Variants in GOLGA4 observed in about 807,000 individuals in gnomAD.
GOLGA4 encodes golgin subfamily A member 4.
GOLGA4 carries 169 observed loss-of-function variants against 265.9 expected under a neutral mutation model. The observed-to-expected ratio is 0.64, with a 90% CI of 0.56 to 0.72. The LOEUF (loss-of-function observed/expected upper bound fraction) is 0.72. Ranked by LOEUF, GOLGA4 falls within the 30% of genes least tolerant of loss-of-function variation. The pLI is 0.00. For missense variants in GOLGA4, 2,482 were observed against 2,483.4 expected (o/e 1.00, Z 0.01); for synonymous variants, 923 against 855.8 (o/e 1.08, Z -1.37).
chr3:37,258,377 G>A (rs1331637078), intron 2 of GOLGA4, among the ~76,000 whole-genome samples: 1 of 151,548 alleles, frequency 6.6e-6, no homozygotes, highest in Non-Finnish European at 1.5e-5. Context: ...GCTCAGGCTG[G>A]AGTGCAGTGG....
At chr3:37,285,358 C>T (rs1443583632) in intron 3 of GOLGA4, among the ~76,000 whole-genome samples, 1 of 152,058 alleles carries the variant, frequency 6.6e-6, no homozygotes, top group Non-Finnish European at 1.5e-5. Flanking sequence ...TCCATAATTT[C>T]ATTAGGGTGT....
rs763360064 is a variant in GOLGA4, at chr3:37,286,037, T to C, written c.501T>C (p.Leu167=). The C allele has an allele frequency of 1.3e-6, 2 of 1,580,530 alleles. No individual in the cohort carries two copies. Among genetic ancestry groups the C allele is most frequent in the Non-Finnish European group, 1.7e-6 (2 of 1,153,608 alleles). The change falls in exon 4 of 24, where the codon CTT becomes CTC. Residue 167 remains leucine, a synonymous_variant. Coordinates refer to ENST00000361924, the MANE Select transcript of GOLGA4 (RefSeq NM_002078.5). ...YSELVTAYQM[L]QREKKKLQGI... is the part of the protein sequence containing the mutation. The stretch of plus-strand genomic sequence containing the variant: ...AGCTTGTTACAGCTTATCAGATGCT[T>C]CAGAGAGAGAAGAAAAAGCTACAAG...
At position 37,323,619 on chromosome 3, in the gene GOLGA4, A is replaced by G; in HGVS notation, c.1733A>G (p.Lys578Arg). The G allele has an allele frequency of 6.4e-7, 1 of 1,572,052 alleles. No individual in the cohort carries two copies. Among genetic ancestry groups the G allele is most frequent in the Admixed American group, 2.1e-5 (1 of 48,388 alleles). Residue 578 changes from lysine (K) to arginine (R), a missense_variant, in exon 14 of 24, where the codon AAA (lysine) becomes AGA (arginine). This residue lies in a region of GOLGA4 where 1,536 missense variants were observed against 1,483.7 expected (regional missense o/e 1.04). Coordinates refer to ENST00000361924, the MANE Select transcript of GOLGA4 (RefSeq NM_002078.5). ...CTTGAATTGGAAAGTTCTTTGGAAAAAAGCTTACAAGAAAACAAAAATCAG... is the reference window on the plus strand; with the variant it reads ...CTTGAATTGGAAAGTTCTTTGGAAAGAAGCTTACAAGAAAACAAAAATCAG... ...RILELESSLE[K>R]SLQENKNQSK...
intron 16 of GOLGA4, among the ~76,000 whole-genome samples, chr3:37,331,875 C>G (rs1445126111): frequency 6.6e-6 from 1 of 152,134 alleles, no homozygotes; most frequent in Non-Finnish European, 1.5e-5. Context: ...ATCTGCTTCT[C>G]TCCCCAGCAC....
chr3:37,307,403 C>T (rs1161681210), intron 10 of GOLGA4, among the ~76,000 whole-genome samples: 1 of 152,124 alleles, frequency 6.6e-6, no homozygotes, highest in African/African-American at 2.4e-5. Flanking sequence ...ACCAAAATCA[C>T]ATGTGTATTT....
At chr3:37,335,500 A>C (rs1289830691) in intron 17 of GOLGA4, among the ~76,000 whole-genome samples, 1 of 152,204 alleles carries the variant, frequency 6.6e-6, no homozygotes, top group Non-Finnish European at 1.5e-5. Context: ...AGCATAGCTA[A>C]AAATGGTCCA....
At position 37,324,014 on chromosome 3, in the gene GOLGA4, C is replaced by T; in HGVS notation, c.2128C>T (p.Leu710=). The T allele has an allele frequency of 1.4e-5, 22 of 1,613,606 alleles. No homozygotes were observed. The highest frequency in any genetic ancestry group is 1.8e-5 in the Non-Finnish European group (21 of 1,179,788). ...CAAACTAGAAGAGGAACTTTCTGTT[C>T]TGAAAGATCAAACAGATAAAATGAA... is the stretch of plus-strand genomic sequence containing the variant. The part of the protein sequence containing the change: ...RHKLEEELSV[L]KDQTDKMKQE... Residue 710 remains leucine (L), a synonymous_variant, in exon 14 of 24, where the codon CTG becomes TTG. Coordinates refer to ENST00000361924, the MANE Select transcript of GOLGA4 (RefSeq NM_002078.5).
intron 4 of GOLGA4, among the ~76,000 whole-genome samples, chr3:37,289,021 C>T (rs954522961): frequency 6.6e-6 from 1 of 152,172 alleles, no homozygotes; most frequent in African/African-American, 2.4e-5. Context: ...CTGCCACTGC[C>T]AGGATGCAGA....
At chr3:37,273,794 C>T (rs1462352237) in intron 2 of GOLGA4, among the ~76,000 whole-genome samples, 29 of 152,128 alleles carry the variant, frequency 1.9e-4, no homozygotes, top group Admixed American at 1.8e-3. Flanking sequence ...TGTATTATTT[C>T]TCATTTTAAA....
chr3:37,281,336 G>A (rs2096834096), intron 2 of GOLGA4, among the ~76,000 whole-genome samples: 1 of 152,080 alleles, frequency 6.6e-6, no homozygotes, highest in Non-Finnish European at 1.5e-5. Context: ...TAGACAAATG[G>A]TAAGTAGAGC....
intron 2 of GOLGA4, among the ~76,000 whole-genome samples, chr3:37,273,850 C>T (rs2096805678): frequency 6.6e-6 from 1 of 152,036 alleles, no homozygotes; most frequent in South Asian, 2.1e-4. Context: ...GTCTGTAATC[C>T]CAGCACTTTG....
intron 20 of GOLGA4, among the ~76,000 whole-genome samples, chr3:37,341,290 T>C (rs1053052699): frequency 1.3e-5 from 2 of 152,204 alleles, no homozygotes; most frequent in African/African-American, 4.8e-5. Context: ...ATAACACTTA[T>C]CCATTCTCTA....
intron 2 of GOLGA4, among the ~76,000 whole-genome samples, chr3:37,279,488 AGATGGCGCCAAGGGCAGGTTCCCCAT>A (rs1420087177): frequency 6.6e-6 from 1 of 152,246 alleles, no homozygotes; most frequent in Non-Finnish European, 1.5e-5. Context: ...TGTGCAGGCC[AGATGGCGCCAAGGGCAGGTTCCCCAT>A]GATGCTCCAC....
At chr3:37,328,597 TATCA>T (rs1559442699) in intron 15 of GOLGA4, 60 bp downstream of exon 15, 1 of 1,483,406 alleles carries the variant, frequency 6.7e-7, no homozygotes, top group Non-Finnish European at 9.2e-7. Context: ...AATTTAAGCT[TATCA>T]TTTTTGCAGT....
At chr3:37,366,022 A>C in intron 23 of GOLGA4, 58 bp from the exon 24 acceptor site, 1 of 1,424,462 alleles carries the variant, frequency 7.0e-7, no homozygotes, top group Non-Finnish European at 9.5e-7. Context: ...AAGTCAACCT[A>C]AATGTTTTGG....
At position 37,302,225 on chromosome 3, in the gene GOLGA4, C is replaced by T; in HGVS notation, c.1127C>T (p.Thr376Ile). 1 of 1,613,152 alleles carries T rather than the reference C, an allele frequency of 6.2e-7. No homozygotes were observed. The highest frequency in any genetic ancestry group is 8.5e-7 in the Non-Finnish European group (1 of 1,179,218). ...IAETKRQMHE[T>I]LEMKEEEIAQ... ...GAGACAAAACGTCAGATGCATGAAA[C>T]CCTGGAAATGAAAGAAGAAGAAATT... The change falls in exon 10 of 24, where the codon ACC (threonine) becomes ATC (isoleucine). Residue 376 changes from threonine (T) to isoleucine (I), a missense_variant. Thr to Ile is a moderately conservative substitution (Grantham distance 89). Coordinates refer to ENST00000361924, the MANE Select transcript of GOLGA4 (RefSeq NM_002078.5).
rs188026080 is a variant in GOLGA4 at position 37,263,767 on chromosome 3, A to C, written c.162+12283A>C. 5.3e-5 allele frequency among the ~76,000 whole-genome samples: 8 copies of C among 152,344 alleles called. No homozygotes were observed. In the East Asian group the frequency reaches 1.5e-3, roughly 29 times the overall value. ...CGACGCATATCTGCTGAGAGTTTCA[A>C]ATAGTCTTCATGAATGTTCAGACAC... On this transcript the variant is annotated intron_variant, in intron 2 of 23. Transcript: ENST00000361924.
intron 20 of GOLGA4, 130 bp downstream of exon 20, chr3:37,340,329 C>A (rs1319703982): frequency 8.4e-6 from 4 of 478,852 alleles, no homozygotes; most frequent in Middle Eastern, 5.4e-4. Context: ...TTTATTTTTT[C>A]TTAATTGACA....
At chr3:37,270,848 T>C (rs1361930132) in intron 2 of GOLGA4, among the ~76,000 whole-genome samples, 1 of 152,162 alleles carries the variant, frequency 6.6e-6, no homozygotes, top group Non-Finnish European at 1.5e-5. Context: ...ACTTTATTTC[T>C]GTTATTATTA....
Sources: gnomAD v4.1 joint callset for allele counts (sites outside exome capture counted in the v4.1 genomes callset) on GRCh38, gnomAD v4.1.1 for gene constraint, gnomAD v4.1.1 regional missense constraint, MANE v1.5 for transcripts, NCBI Gene and HGNC (gene_info 2026-07-23, HGNC 2026-07-21) for gene names.